Variants in ITSN2 observed in about 807,000 individuals in gnomAD.
ITSN2 encodes intersectin-2.
A neutral mutation model predicts 243.7 loss-of-function variants in ITSN2; 156 were observed. The observed-to-expected ratio is 0.64, with a 90% CI of 0.56 to 0.73. The LOEUF (loss-of-function observed/expected upper bound fraction) is 0.73. Among genes scored for constraint, ITSN2 ranks in the 30% least tolerant of loss-of-function variants. The pLI, the probability that ITSN2 is intolerant of heterozygous loss-of-function variation, is 0.00. For synonymous variants in ITSN2, 703 were observed against 699.9 expected, an observed-to-expected ratio of 1.00 and a Z score of -0.07; for missense variants, 1,801 against 1,996.1, an observed-to-expected ratio of 0.90 and a Z score of 1.86.
chr2:24,260,876 C>A (rs1339087865), intron 22 of ITSN2, among the ~76,000 whole-genome samples: 2 of 130,082 alleles, frequency 1.5e-5, no homozygotes, highest in Admixed American at 1.9e-4. Context: ...TGCACTCCAG[C>A]CTGGGCAACA....
chr2:24,276,184 TA>T (rs1257151388), intron 17 of ITSN2, among the ~76,000 whole-genome samples: 1 of 152,236 alleles, frequency 6.6e-6, no homozygotes, highest in Admixed American at 6.5e-5. Context: ...ATTTGCTTGT[TA>T]TAACATCTGA....
chr2:24,272,811 G>A (rs139975431), intron 18 of ITSN2, among the ~76,000 whole-genome samples: 1,642 of 152,174 alleles, frequency 0.011, 16 homozygotes, highest in Non-Finnish European at 0.017. Context: ...CTAGGTCCAC[G>A]TGCTTTGGTA....
intron 29 of ITSN2, among the ~76,000 whole-genome samples, chr2:24,229,635 G>A (rs1447450308): frequency 2.0e-5 from 3 of 151,934 alleles, no homozygotes; most frequent in African/African-American, 4.8e-5. Context: ...CAAACACCAA[G>A]GAATCAATAT....
At chr2:24,260,811 G>A (rs570364990) in intron 22 of ITSN2, among the ~76,000 whole-genome samples, 3 of 150,448 alleles carry the variant, frequency 2.0e-5, no homozygotes, top group African/African-American at 7.3e-5. Context: ...GGCTGAGTCA[G>A]GAGAATCTCT....
intron 19 of ITSN2, 86 bp from the exon 20 acceptor site, chr2:24,270,854 A>C: frequency 1.4e-6 from 1 of 712,180 alleles, no homozygotes. Context: ...AACCTAAAAG[A>C]AAAAATCAAG....
intron 15 of ITSN2, among the ~76,000 whole-genome samples, chr2:24,290,827 A>C (rs1207193513): frequency 6.6e-6 from 1 of 152,172 alleles, no homozygotes; most frequent in South Asian, 2.1e-4. Flanking sequence ...CTACTTTTCT[A>C]TTTCTGATCA....
chr2:24,290,672 C>A (rs1180049243), intron 15 of ITSN2, among the ~76,000 whole-genome samples: 1 of 152,182 alleles, frequency 6.6e-6, no homozygotes, highest in African/African-American at 2.4e-5. Flanking sequence ...AGCTCCTCTG[C>A]AACTCTTTCA....
chr2:24,235,498 A>G (rs1672060687), intron 29 of ITSN2, among the ~76,000 whole-genome samples: 1 of 152,128 alleles, frequency 6.6e-6, no homozygotes, highest in Admixed American at 6.5e-5. Flanking sequence ...TAATGACATG[A>G]TGTAGGTGCA....
intron 20 of ITSN2, among the ~76,000 whole-genome samples, chr2:24,266,091 G>A (rs958620687): frequency 2.0e-5 from 3 of 152,160 alleles, no homozygotes; most frequent in African/African-American, 7.2e-5. Context: ...CAAATATAAG[G>A]CATAATCCTT....
intron 15 of ITSN2, 70 bp from the exon 16 acceptor site, chr2:24,286,421 T>C (rs1440915953): frequency 2.7e-5 from 37 of 1,366,108 alleles, no homozygotes; most frequent in Middle Eastern, 3.8e-4. Context: ...TGTCATTTAC[T>C]GTTTGGTCAG....
At chr2:24,285,774 ATTAT>A (rs1679423633) in intron 16 of ITSN2, among the ~76,000 whole-genome samples, 2 of 152,244 alleles carry the variant, frequency 1.3e-5, no homozygotes, top group African/African-American at 2.4e-5. Flanking sequence ...TGATTATTGC[ATTAT>A]TTAACAAAGG....
At chr2:24,214,749 A>C (rs1669810308) in intron 32 of ITSN2, among the ~76,000 whole-genome samples, 1 of 151,706 alleles carries the variant, frequency 6.6e-6, no homozygotes, top group Admixed American at 6.6e-5. Context: ...TACTTCCTCC[A>C]TTTTCCTTTT....
chr2:24,254,389 C>G lies in ITSN2; in HGVS notation c.2931G>C (p.Ser977=). The G allele has an allele frequency of 3.7e-6, 6 of 1,612,388 alleles. No individual in the cohort carries two copies. Among genetic ancestry groups the G allele is most frequent in the Non-Finnish European group, 5.1e-6 (6 of 1,178,840 alleles). Residue 977 remains serine, a synonymous_variant, in exon 24 of 40, where the codon TCG becomes TCC. Transcript: ENST00000355123. ...LYAAVNKKPT[S]AAYSVGEEYI... is the part of the protein sequence containing the mutation. ...TACCTTCTCCAACTGAATAGGCTGC[C>G]GAGGTAGGTTTCTTATTTACAGCTG...
At chr2:24,238,531 A>C (rs1225913460) in intron 29 of ITSN2, among the ~76,000 whole-genome samples, 1 of 152,226 alleles carries the variant, frequency 6.6e-6, no homozygotes, top group South Asian at 2.1e-4. Flanking sequence ...TCTTTTACAT[A>C]AACTCTTATT....
At chr2:24,259,179 A>G (rs1041149351) in intron 22 of ITSN2, among the ~76,000 whole-genome samples, 2 of 152,210 alleles carry the variant, frequency 1.3e-5, no homozygotes, top group Non-Finnish European at 2.9e-5. Context: ...ACTGTCTACC[A>G]AAGACAAGGA....
At chr2:24,215,950 A>G in intron 32 of ITSN2, 99 bp downstream of exon 32, 1 of 809,954 alleles carries the variant, frequency 1.2e-6, no homozygotes, top group African/African-American at 1.8e-5. Context: ...ACTGATGGGG[A>G]TGCCCTTCTC....
chr2:24,218,015 TAA>T lies in ITSN2; in HGVS notation c.3700-4_3700-3del. ...CTCTGCCATGCGTTTCTGAAAAACC[TAA>T]AGTCAAAACATAGAAAAACTAGTTA... is the stretch of plus-strand genomic sequence containing the variant. On this transcript the variant is annotated splice_region_variant and splice_polypyrimidine_tract_variant and intron_variant, in intron 30 of 39. Coordinates refer to ENST00000355123, the MANE Select transcript of ITSN2 (RefSeq NM_006277.3). 6.2e-7 allele frequency: 1 copy of T among 1,610,376 alleles called. No homozygotes were observed. Among genetic ancestry groups the T allele is most frequent in the African/African-American group, 1.3e-5 (1 of 74,978 alleles).
At chr2:24,285,301 T>C (rs1679358014) in intron 16 of ITSN2, among the ~76,000 whole-genome samples, 1 of 152,216 alleles carries the variant, frequency 6.6e-6, no homozygotes, top group South Asian at 2.1e-4. Flanking sequence ...CTACTGAACA[T>C]ATGCTTGTGT....
At chr2:24,266,258 T>C (rs577231927) in intron 20 of ITSN2, among the ~76,000 whole-genome samples, 1 of 152,322 alleles carries the variant, frequency 6.6e-6, no homozygotes, top group Admixed American at 6.5e-5. Context: ...TTTCTTTTTT[T>C]TCCTAGACTG....
Sources: gnomAD v4.1 joint callset for allele counts (sites outside exome capture counted in the v4.1 genomes callset) on GRCh38, gnomAD v4.1.1 for gene constraint, MANE v1.5 for transcripts, NCBI Gene and HGNC (gene_info 2026-07-23, HGNC 2026-07-21) for gene names.